AGFG1: variants seen among roughly 807,000 people sequenced by gnomAD.
AGFG1 encodes the protein ArfGAP with FG repeats 1.
AGFG1 carries 10 observed loss-of-function variants against 60.6 expected under a neutral mutation model. The ratio of observed to expected loss-of-function variants is 0.16; its 90% confidence interval spans 0.10 to 0.28. The LOEUF is 0.28. AGFG1 is among the 10% of genes least tolerant of loss of function. The pLI, the probability that AGFG1 is intolerant of heterozygous loss-of-function variation, is 1.00. For synonymous variants in AGFG1, 247 were observed against 242.9 expected (o/e 1.02, Z -0.16); for missense variants, 537 against 676.5 (o/e 0.79, Z 2.29).
At chr2:227,534,413 A>G (rs879750315) in intron 7 of AGFG1, among the ~76,000 whole-genome samples, 4 of 152,204 alleles carry the variant, frequency 2.6e-5, no homozygotes, top group Admixed American at 1.3e-4. Flanking sequence ...TAAGTCCTCA[A>G]TAAATGTTTC....
chr2:227,557,818 A>G lies in AGFG1; in HGVS notation c.*3323A>G, dbSNP rs375776820. The G allele has an allele frequency of 2.0e-5, 3 of 152,356 alleles. No individual in the cohort carries two copies. In the South Asian group the frequency reaches 6.2e-4, roughly 32 times the overall value. The allele number at this position is 152,356 out of a possible 1,614,324, so 9.4% of individuals were successfully genotyped here. On this transcript the variant is annotated 3_prime_UTR_variant, in exon 13 of 13. Coordinates refer to ENST00000310078, the MANE Select transcript of AGFG1 (RefSeq NM_004504.5). ...CACACGCTGGAAAACTCCACTGTGC[A>G]CTTGTGAGATCAGGAGAATGAAAAC...
At chr2:227,489,189 T>C (rs1370818952) in intron 1 of AGFG1, among the ~76,000 whole-genome samples, 1 of 150,702 alleles carries the variant, frequency 6.6e-6, no homozygotes, top group Non-Finnish European at 1.5e-5. Context: ...TGCAAGTTAC[T>C]ACTGAGGTTG....
At chr2:227,505,128 T>C (rs1016081703) in intron 2 of AGFG1, among the ~76,000 whole-genome samples, 3 of 152,254 alleles carry the variant, frequency 2.0e-5, no homozygotes, top group Admixed American at 6.5e-5. Context: ...TATTATGTCT[T>C]CTTGATTATG....
Position 227,472,368 on chromosome 2 carries a change from C to T in AGFG1, c.-54C>T. 8.9e-7 allele frequency: 1 copy of T among 1,122,784 alleles called. No homozygotes were observed. The highest frequency in any genetic ancestry group is 2.7e-5 in the South Asian group (1 of 36,406). 69.6% of individuals were successfully genotyped at this position (1,122,784 alleles called of 1,614,324 possible). ...GGCCCGTGGGACCGCGGGCCCCCGG[C>T]GCAGCGCTGCCCGGCTCCCGGCCCT... On this transcript the variant is annotated 5_prime_UTR_variant, in exon 1 of 13. Coordinates refer to ENST00000310078, the MANE Select transcript of AGFG1 (RefSeq NM_004504.5).
At chr2:227,544,783 G>A (rs1692595147) in intron 10 of AGFG1, among the ~76,000 whole-genome samples, 1 of 152,092 alleles carries the variant, frequency 6.6e-6, no homozygotes, top group African/African-American at 2.4e-5. Context: ...TTGAATATTG[G>A]CCACCACTCT....
chr2:227,491,741 A>C (rs1690826941), intron 2 of AGFG1, 101 bp downstream of exon 2: 1 of 626,400 alleles, frequency 1.6e-6, no homozygotes, highest in East Asian at 3.0e-5. Flanking sequence ...TTCACGGTCT[A>C]AATAAGTTAT....
In AGFG1 at chr2:227,536,942, T is replaced by C; in HGVS notation, c.1327T>C (p.Ser443Pro). ...TCCATTTGTTGCTGCTGCTGGTCCT[T>C]CTGTGGCATCTTCTACAAACCCATT... Reference protein sequence around the residue: ...TNPFVAAAGPSVASSTNPFQT... With the variant: ...TNPFVAAAGPPVASSTNPFQT... The change falls in exon 10 of 13, where the codon TCT becomes CCT. Residue 443 changes from serine (S) to proline (P), a missense_variant. By Grantham distance (74) the Ser-to-Pro change is moderately conservative. Around this residue, in one of 4 missense-constraint regions of AGFG1, gnomAD observed 287 missense variants for 343.6 expected, o/e 0.84. Transcript: ENST00000310078. The C allele has an allele frequency of 6.2e-7, 1 of 1,613,148 alleles. No individual in the cohort carries two copies. The highest frequency in any genetic ancestry group is 8.5e-7 in the Non-Finnish European group (1 of 1,179,400).
rs757728903 is a variant in AGFG1, at chr2:227,553,735, G to A, written c.1569G>A (p.Lys523=). The A allele has an allele frequency of 1.9e-5, 31 of 1,613,760 alleles. No homozygotes were observed. The African/African-American group carries it at 3.6e-4, about 19-fold the overall frequency. Residue 523 remains lysine, a synonymous_variant, in exon 12 of 13, where the codon AAG becomes AAA. Transcript: ENST00000310078. ...GTTTTGCAGCATTTGGACAAACAAA[G>A]CCAGTAGTAACCCCTTTTGGTCAAG... is the stretch of plus-strand genomic sequence containing the variant. The part of the protein sequence containing the change: ...GAGFAAFGQT[K]PVVTPFGQVA...
At position 227,526,841 on chromosome 2, in the gene AGFG1, G is replaced by A. The variant is rs548355390; in HGVS notation, c.694+1926G>A. Among the ~76,000 whole-genome samples, 4 of 152,232 alleles carry A rather than the reference G, an allele frequency of 2.6e-5. No homozygotes were observed. In the South Asian group the frequency reaches 8.3e-4, roughly 32 times the overall value. ...TTACAGGTGTGAGCCACTCTGCCCG[G>A]CCCTAAAGATACTTTTTTGATAGAA... On this transcript the variant is annotated intron_variant, in intron 5 of 12. Coordinates refer to ENST00000310078, the MANE Select transcript of AGFG1 (RefSeq NM_004504.5).
chr2:227,500,266 A>G (rs1413632053), intron 2 of AGFG1, among the ~76,000 whole-genome samples: 4 of 152,152 alleles, frequency 2.6e-5, no homozygotes, highest in Admixed American at 2.6e-4. Flanking sequence ...GACTCCCACT[A>G]CTTCCCCAAG....
chr2:227,522,873 A>G (rs1045024387), intron 3 of AGFG1, among the ~76,000 whole-genome samples: 1 of 152,246 alleles, frequency 6.6e-6, no homozygotes, highest in African/African-American at 2.4e-5. Flanking sequence ...GCCTCCTCAC[A>G]TAAATCATGT....
intron 2 of AGFG1, among the ~76,000 whole-genome samples, chr2:227,511,967 A>AT (rs1423548157): frequency 6.6e-6 from 1 of 152,216 alleles, no homozygotes; most frequent in Non-Finnish European, 1.5e-5. Flanking sequence ...CAGGGGTCAC[A>AT]TTCTGTTAAG....
At chr2:227,506,558 TAA>T (rs5839223) in intron 2 of AGFG1, among the ~76,000 whole-genome samples, 28 of 106,290 alleles carry the variant, frequency 2.6e-4, no homozygotes, top group Middle Eastern at 5.0e-3. Context: ...TGATGTTCCT[TAA>T]AAAAAAAAAA....
At position 227,555,745 on chromosome 2, in the gene AGFG1, C is replaced by T. The variant is rs1252719448; in HGVS notation, c.*1250C>T. The T allele has an allele frequency of 1.6e-4, 25 of 152,264 alleles. No individual in the cohort carries two copies. The highest frequency in any genetic ancestry group is 1.6e-3 in the Admixed American group (25 of 15,264). The allele number at this position is 152,264 out of a possible 1,614,324, so 9.4% of individuals were successfully genotyped here. A position where few individuals can be genotyped will look rare whatever the true frequency, so the allele number is the denominator to read the frequency against. On this transcript the variant is annotated 3_prime_UTR_variant, in exon 13 of 13. Transcript: ENST00000310078. ...TTTAAGTATCTATGTACAGTAATGC[C>T]TCATTCATCTAGAGGTAATCTGGCA...
chr2:227,533,403 T>C, intron 6 of AGFG1, 146 bp from the exon 7 acceptor site: 1 of 731,746 alleles, frequency 1.4e-6, no homozygotes, highest in South Asian at 1.9e-5. Flanking sequence ...ACGTCACTTG[T>C]AGTCAAAAGC....
chr2:227,500,961 T>C (rs567772631), intron 2 of AGFG1, among the ~76,000 whole-genome samples: 47 of 152,032 alleles, frequency 3.1e-4, no homozygotes, highest in African/African-American at 1.1e-3. Flanking sequence ...CCCAGCTAAT[T>C]TTTTGTGTTT....
At chr2:227,492,888 A>G (rs970520695) in intron 2 of AGFG1, among the ~76,000 whole-genome samples, 4 of 152,142 alleles carry the variant, frequency 2.6e-5, no homozygotes, top group African/African-American at 9.6e-5. Flanking sequence ...CTACTTGTGT[A>G]AAGTTTACAA....
chr2:227,505,204 A>ATTTTAT (rs1691273739), intron 2 of AGFG1, among the ~76,000 whole-genome samples: 1 of 101,470 alleles, frequency 9.9e-6, no homozygotes, highest in South Asian at 4.2e-4. Flanking sequence ...TTTATCTCAT[A>ATTTTAT]CTTATATTGT....
intron 7 of AGFG1, among the ~76,000 whole-genome samples, chr2:227,534,165 T>TC (rs1692241732): frequency 6.6e-6 from 1 of 152,072 alleles, no homozygotes; most frequent in African/African-American, 2.4e-5. Context: ...AAAAAAAAAT[T>TC]CATGAATTTT....
Sources: allele counts gnomAD v4.1 joint callset (sites outside exome capture counted in the v4.1 genomes callset), GRCh38; gene constraint gnomAD v4.1.1; regional missense constraint gnomAD v4.1.1; transcripts MANE v1.5; gene names NCBI Gene and HGNC (gene_info 2026-07-23, HGNC 2026-07-21).